Variants in TMEM178B observed in about 807,000 individuals in gnomAD.
TMEM178B encodes the protein transmembrane protein 178B.
In TMEM178B, 5 loss-of-function variants were observed where a neutral mutation model predicts 31.0. The observed-to-expected ratio is 0.16, with a 90% CI of 0.08 to 0.34. The LOEUF is 0.34. Ranked by LOEUF, TMEM178B falls within the 10% of genes least tolerant of loss-of-function variation. The probability of loss-of-function intolerance (pLI) is 1.00; values close to 1 mark genes in which losing one functional copy is unlikely to be tolerated. For missense variants in TMEM178B, 275 were observed against 400.3 expected, an observed-to-expected ratio of 0.69 and a Z score of 2.67; for synonymous variants, 164 against 164.0, an observed-to-expected ratio of 1.00 and a Z score of 0.00.
At chr7:141,305,832 G>C (rs534478006) in intron 2 of TMEM178B, among the ~76,000 whole-genome samples, 1 of 152,226 alleles carries the variant, frequency 6.6e-6, no homozygotes, top group South Asian at 2.1e-4. Context: ...CTTTCTCGAG[G>C]TTATCATGGG....
chr7:141,369,243 A>G (rs1800065444), intron 2 of TMEM178B, among the ~76,000 whole-genome samples: 1 of 151,662 alleles, frequency 6.6e-6, no homozygotes, highest in Non-Finnish European at 1.5e-5. Flanking sequence ...AAGTGATACT[A>G]CCTAGTATAA....
intron 2 of TMEM178B, among the ~76,000 whole-genome samples, chr7:141,366,047 A>G (rs1799998491): frequency 1.3e-5 from 2 of 152,244 alleles, no homozygotes; most frequent in African/African-American, 2.4e-5. Flanking sequence ...AAACGTTTCT[A>G]TAAAGCATAG....
At chr7:141,198,306 G>C (rs1444789715) in intron 1 of TMEM178B, among the ~76,000 whole-genome samples, 1 of 152,190 alleles carries the variant, frequency 6.6e-6, no homozygotes. Flanking sequence ...TGACTGGGGA[G>C]AAGCTGGCCA....
At chr7:141,082,166 G>A (rs2129170998) in intron 1 of TMEM178B, among the ~76,000 whole-genome samples, 1 of 152,298 alleles carries the variant, frequency 6.6e-6, no homozygotes, top group Middle Eastern at 3.4e-3. Context: ...GCCTAACGAT[G>A]CATTTCTCAG....
At chr7:141,220,780 C>T (rs912109397) in intron 2 of TMEM178B, among the ~76,000 whole-genome samples, 2 of 152,196 alleles carry the variant, frequency 1.3e-5, no homozygotes, top group African/African-American at 4.8e-5. Flanking sequence ...ACGGACACCA[C>T]ACCATGAAGG....
intron 2 of TMEM178B, among the ~76,000 whole-genome samples, chr7:141,279,758 C>T (rs1030069444): frequency 2.4e-4 from 36 of 152,216 alleles, no homozygotes; most frequent in African/African-American, 5.8e-4. Flanking sequence ...GAGTGTCTCT[C>T]GAGAAGCCAG....
intron 2 of TMEM178B, among the ~76,000 whole-genome samples, chr7:141,436,312 T>G (rs985745847): frequency 5.3e-5 from 8 of 151,776 alleles, no homozygotes; most frequent in Admixed American, 1.3e-4. Context: ...GCAGCTGGTG[T>G]GCTTGCACGG....
At position 141,128,027 on chromosome 7, in the gene TMEM178B, G is replaced by A. The variant is rs112302280; in HGVS notation, c.382+53335G>A. Among the ~76,000 whole-genome samples the A allele has an allele frequency of 9.1e-3, 1,387 of 152,226 alleles. 23 individuals are homozygous for A. Among genetic ancestry groups the A allele is most frequent in the African/African-American group, 0.031 (1,290 of 41,524 alleles). On this transcript the variant is annotated intron_variant, in intron 1 of 3. Coordinates refer to ENST00000565468, the MANE Select transcript of TMEM178B (RefSeq NM_001195278.2). ...CTAAAGGCTGTGTGAATTCCAGTTC[G>A]CTGGCTATTTATTCCTGTATTGATA...
intron 2 of TMEM178B, among the ~76,000 whole-genome samples, chr7:141,243,482 C>T (rs957840968): frequency 6.6e-5 from 10 of 152,060 alleles, no homozygotes; most frequent in South Asian, 2.1e-4. Context: ...CTGAGGGAAA[C>T]GTCAGCAGGG....
chr7:141,332,879 A>G (rs1799320906), intron 2 of TMEM178B, among the ~76,000 whole-genome samples: 1 of 152,188 alleles, frequency 6.6e-6, no homozygotes, highest in Admixed American at 6.5e-5. Context: ...GAACTGACAT[A>G]TTTTGGTGCT....
At chr7:141,112,220 T>A (rs563442828) in intron 1 of TMEM178B, among the ~76,000 whole-genome samples, 1 of 152,144 alleles carries the variant, frequency 6.6e-6, no homozygotes, top group Non-Finnish European at 1.5e-5. Context: ...CCTCATGAAC[T>A]CATGAAGTCT....
At chr7:141,346,585 G>A (rs189744392) in intron 2 of TMEM178B, among the ~76,000 whole-genome samples, 77 of 151,950 alleles carry the variant, frequency 5.1e-4, no homozygotes, top group African/African-American at 1.8e-3. Context: ...CTCACACATA[G>A]GCAATGGACA....
chr7:141,161,482 T>G (rs1796172051), intron 1 of TMEM178B, among the ~76,000 whole-genome samples: 1 of 152,162 alleles, frequency 6.6e-6, no homozygotes, highest in Non-Finnish European at 1.5e-5. Context: ...GTGTGGCCAT[T>G]ATTCTGTCAT....
At chr7:141,305,363 A>G (rs1232520992) in intron 2 of TMEM178B, among the ~76,000 whole-genome samples, 1 of 152,226 alleles carries the variant, frequency 6.6e-6, no homozygotes, top group Non-Finnish European at 1.5e-5. Context: ...TACCCACCCA[A>G]TGAGTTGGCA....
chr7:141,464,814 C>T (rs1802122185), intron 3 of TMEM178B, among the ~76,000 whole-genome samples: 1 of 152,172 alleles, frequency 6.6e-6, no homozygotes, highest in Non-Finnish European at 1.5e-5. Flanking sequence ...TACCACCAGC[C>T]ACCACTCCTA....
chr7:141,412,672 C>T (rs936346434), intron 2 of TMEM178B, among the ~76,000 whole-genome samples: 5 of 152,198 alleles, frequency 3.3e-5, no homozygotes, highest in Non-Finnish European at 7.3e-5. Flanking sequence ...GCTTTGCCAG[C>T]GACGTGCAGT....
Position 141,455,289 on chromosome 7 carries a change from G to A in TMEM178B, c.635-15247G>A, listed in dbSNP as rs144958899. Among the ~76,000 whole-genome samples, 894 of 152,290 alleles carry A rather than the reference G, an allele frequency of 5.9e-3. 4 individuals are homozygous for A. Among genetic ancestry groups the A allele is most frequent in the Non-Finnish European group, 0.01 (699 of 68,032 alleles). On this transcript the variant is annotated intron_variant, in intron 3 of 3. Coordinates refer to ENST00000565468, the MANE Select transcript of TMEM178B (RefSeq NM_001195278.2). The stretch of plus-strand genomic sequence containing the variant: ...CTTCCCTAGTTCTATGAAGTAGTCA[G>A]ATTTTACCAACTCAGCCTGAGTCTG...
chr7:141,390,850 C>T, intron 2 of TMEM178B, among the ~76,000 whole-genome samples: 1 of 152,180 alleles, frequency 6.6e-6, no homozygotes, highest in Admixed American at 6.5e-5. Context: ...CAGCCTTGGC[C>T]AGTATCTGAA....
intron 3 of TMEM178B, among the ~76,000 whole-genome samples, chr7:141,453,267 G>A (rs755645755): frequency 1.8e-4 from 28 of 152,128 alleles, no homozygotes; most frequent in Non-Finnish European, 5.9e-5. Flanking sequence ...GGGTGACTCC[G>A]GTTGTTATTT....
Sources: allele counts gnomAD v4.1 joint callset (sites outside exome capture counted in the v4.1 genomes callset), GRCh38; gene constraint gnomAD v4.1.1; transcripts MANE v1.5; gene names NCBI Gene and HGNC (gene_info 2026-07-23, HGNC 2026-07-21).